GALK2: variants seen among roughly 807,000 people sequenced by gnomAD.
The protein encoded by GALK2 is N-acetylgalactosamine kinase.
GALK2 carries 36 observed loss-of-function variants against 52.4 expected under a neutral mutation model. The observed-to-expected ratio is 0.69, with a 90% CI of 0.53 to 0.91. The LOEUF (loss-of-function observed/expected upper bound fraction) is 0.91. Among genes scored for constraint, GALK2 ranks in the 40% least tolerant of loss-of-function variants. The pLI, the probability that GALK2 is intolerant of heterozygous loss-of-function variation, is 0.00. For synonymous variants in GALK2, 176 were observed against 199.1 expected, an observed-to-expected ratio of 0.88 and a Z score of 0.98; for missense variants, 579 against 559.1, an observed-to-expected ratio of 1.04 and a Z score of -0.36.
chr15:49,240,978 A>G (rs543176490), intron 5 of GALK2, among the ~76,000 whole-genome samples: 12 of 152,276 alleles, frequency 7.9e-5, no homozygotes, highest in African/African-American at 2.9e-4. Context: ...GAATGGTTAG[A>G]ATTAGATAGA....
chr15:49,191,421 G>C (rs914994641), intron 1 of GALK2, among the ~76,000 whole-genome samples: 1 of 152,012 alleles, frequency 6.6e-6, no homozygotes, highest in Non-Finnish European at 1.5e-5. Flanking sequence ...ATTTTGGTTT[G>C]GTCTGTTGGG....
At chr15:49,254,435 A>G (rs772249891) in intron 5 of GALK2, among the ~76,000 whole-genome samples, 4 of 144,510 alleles carry the variant, frequency 2.8e-5, no homozygotes, top group Non-Finnish European at 3.1e-5. Flanking sequence ...TTTGTAAAAT[A>G]TAAGCAAAAA....
At chr15:49,284,488 A>C (rs148938236) in intron 7 of GALK2, among the ~76,000 whole-genome samples, 1 of 152,158 alleles carries the variant, frequency 6.6e-6, no homozygotes, top group Non-Finnish European at 1.5e-5. Flanking sequence ...ATACGACTAG[A>C]AAGTTGGAGA....
intron 5 of GALK2, among the ~76,000 whole-genome samples, chr15:49,273,497 T>C (rs2031093639): frequency 6.6e-6 from 1 of 152,066 alleles, no homozygotes; most frequent in South Asian, 2.1e-4. Context: ...ATTACATCTC[T>C]TAAGTTAGAG....
intron 8 of GALK2, among the ~76,000 whole-genome samples, chr15:49,312,800 T>C (rs1004543179): frequency 6.6e-6 from 1 of 152,176 alleles, no homozygotes; most frequent in Non-Finnish European, 1.5e-5. Context: ...TACATATGTC[T>C]GGGGAACAGA....
chr15:49,262,882 A>C (rs1031361052), intron 5 of GALK2, among the ~76,000 whole-genome samples: 1 of 142,410 alleles, frequency 7.0e-6, no homozygotes, highest in African/African-American at 2.7e-5. Context: ...AGCAGTTTTG[A>C]GTGAGATTCT....
intron 1 of GALK2, among the ~76,000 whole-genome samples, chr15:49,160,576 G>A (rs1008441778): frequency 2.3e-4 from 35 of 152,082 alleles, no homozygotes; most frequent in African/African-American, 8.0e-4. Flanking sequence ...AATAGTAATA[G>A]TACCCAGGCC....
At chr15:49,300,960 T>A (rs926045706) in intron 8 of GALK2, among the ~76,000 whole-genome samples, 3 of 152,222 alleles carry the variant, frequency 2.0e-5, no homozygotes, top group African/African-American at 7.2e-5. Context: ...ACCAGTTTTT[T>A]GTTTCCATGT....
intron 5 of GALK2, among the ~76,000 whole-genome samples, chr15:49,258,372 T>C (rs1447779620): frequency 6.6e-6 from 1 of 152,034 alleles, no homozygotes; most frequent in Non-Finnish European, 1.5e-5. Flanking sequence ...GGAAGTTCTG[T>C]CTGATGAGGT....
At chr15:49,220,610 G>T (rs1020463511) in intron 3 of GALK2, among the ~76,000 whole-genome samples, 4 of 152,178 alleles carry the variant, frequency 2.6e-5, no homozygotes, top group African/African-American at 9.7e-5. Context: ...TATTAGGGTT[G>T]CTGGATCATA....
intron 3 of GALK2, among the ~76,000 whole-genome samples, chr15:49,218,278 T>C (rs1412628167): frequency 2.6e-5 from 4 of 152,220 alleles, no homozygotes; most frequent in Non-Finnish European, 5.9e-5. Flanking sequence ...ATATATCTTG[T>C]GTGCATTTTG....
At chr15:49,260,766 GT>G (rs1213254788) in intron 5 of GALK2, among the ~76,000 whole-genome samples, 3 of 152,132 alleles carry the variant, frequency 2.0e-5, no homozygotes, top group African/African-American at 7.2e-5. Flanking sequence ...AAGGGATCGA[GT>G]TTCAGCTTTC....
intron 1 of GALK2, among the ~76,000 whole-genome samples, chr15:49,191,759 T>C (rs1215265291): frequency 6.6e-6 from 1 of 152,174 alleles, no homozygotes; most frequent in Non-Finnish European, 1.5e-5. Flanking sequence ...TATATTGGTA[T>C]CCTATTTCTT....
intron 3 of GALK2, among the ~76,000 whole-genome samples, chr15:49,339,858 T>C (rs111307556): frequency 0.17 from 25,944 of 152,118 alleles, 2,493 homozygotes; most frequent in Non-Finnish European, 0.21. Context: ...AGCAGCGGCC[T>C]TGCTGAGCTG....
upstream of GALK2, among the ~76,000 whole-genome samples, chr15:49,167,166 T>C (rs180744503): frequency 6.6e-6 from 1 of 152,332 alleles, no homozygotes; most frequent in East Asian, 1.9e-4. Flanking sequence ...GAGACTAATA[T>C]CCTTTGAGGA....
chr15:49,238,635 C>T (rs2090950229), intron 4 of GALK2, among the ~76,000 whole-genome samples: 1 of 152,146 alleles, frequency 6.6e-6, no homozygotes, highest in Non-Finnish European at 1.5e-5. Flanking sequence ...TATGTGTCAT[C>T]TTGGGAAAGT....
chr15:49,207,598 G>A (rs2088410710), intron 2 of GALK2, among the ~76,000 whole-genome samples: 1 of 151,958 alleles, frequency 6.6e-6, no homozygotes, highest in Non-Finnish European at 1.5e-5. Context: ...ATTTTTCCAG[G>A]AATTTATCCA....
At chr15:49,216,201 G>T (rs1406055044) in intron 2 of GALK2, among the ~76,000 whole-genome samples, 3 of 152,126 alleles carry the variant, frequency 2.0e-5, no homozygotes, top group African/African-American at 4.8e-5. Context: ...ACTGGATCTT[G>T]CCTGGTTACT....
chr15:49,326,953 G>A (rs2037608418), intron 9 of GALK2: 1 of 152,044 alleles, frequency 6.6e-6, no homozygotes, highest in Non-Finnish European at 1.5e-5. Context: ...GAAAAAAAGA[G>A]ACAAAATTGT....
Sources: allele counts gnomAD v4.1 joint callset (sites outside exome capture counted in the v4.1 genomes callset), GRCh38; gene constraint gnomAD v4.1.1; transcripts MANE v1.5; gene names NCBI Gene and HGNC (gene_info 2026-07-23, HGNC 2026-07-21).